ELMO1: variants seen among roughly 807,000 people sequenced by gnomAD.
The protein encoded by ELMO1 is engulfment and cell motility protein 1.
Under a neutral mutation model 98.9 loss-of-function variants are expected in ELMO1, and 26 were observed. That is an observed-to-expected ratio of 0.26 (90% CI 0.19 to 0.36). The LOEUF is 0.36. ELMO1 is among the 10% of genes least tolerant of loss of function. The pLI is 1.00. For synonymous variants in ELMO1, 346 were observed against 346.0 expected, an observed-to-expected ratio of 1.00 and a Z score of 0.00; for missense variants, 627 against 935.2, an observed-to-expected ratio of 0.67 and a Z score of 4.30.
intron 13 of ELMO1, among the ~76,000 whole-genome samples, chr7:37,199,470 A>G (rs1423658363): frequency 6.6e-6 from 1 of 152,180 alleles, no homozygotes; most frequent in African/African-American, 2.4e-5. Flanking sequence ...AAAACAAAAC[A>G]AAGTTTTAAA....
chr7:37,018,073 C>T (rs1295981416), intron 15 of ELMO1, among the ~76,000 whole-genome samples: 2 of 151,878 alleles, frequency 1.3e-5, no homozygotes, highest in East Asian at 3.9e-4. Flanking sequence ...ATAAAGTGTG[C>T]AGTAAAGTGC....
At chr7:37,002,202 T>C (rs144919210) in intron 16 of ELMO1, 19 of 152,308 alleles carry the variant, frequency 1.2e-4, no homozygotes, top group African/African-American at 3.4e-4. Context: ...CTCATGATGA[T>C]GGTAAAAGTG....
intron 15 of ELMO1, among the ~76,000 whole-genome samples, chr7:37,095,104 G>A (rs146720814): frequency 2.0e-5 from 3 of 152,194 alleles, no homozygotes; most frequent in Non-Finnish European, 4.4e-5. Context: ...CATCAGAAAG[G>A]AGGAGACAAC....
Position 37,133,205 on chromosome 7 carries a change from C to A in ELMO1, c.1116G>T (p.Thr372=), listed in dbSNP as rs778962156. Residue 372 remains threonine (T), a synonymous_variant, in exon 14 of 22, where the codon ACG becomes ACT. Transcript: ENST00000310758. ...GAGCCAACATCCCAGGTGGAGTCTG[C>A]GTGAAGTCCATGGCAGGGTTGACAT... ...INHVNPAMDF[T]QTPPGMLALD... The A allele has an allele frequency of 1.2e-6, 2 of 1,611,246 alleles. No individual in the cohort carries two copies. The highest frequency in any genetic ancestry group is 1.7e-5 in the Admixed American group (1 of 59,622).
At chr7:36,906,697 G>A (rs1436866170) in intron 16 of ELMO1, among the ~76,000 whole-genome samples, 1 of 152,016 alleles carries the variant, frequency 6.6e-6, no homozygotes, top group Non-Finnish European at 1.5e-5. Flanking sequence ...AGGCTGGGGT[G>A]GGAGGATCGC....
intron 16 of ELMO1, among the ~76,000 whole-genome samples, chr7:36,981,477 A>C (rs1333890693): frequency 6.6e-6 from 1 of 152,160 alleles, no homozygotes; most frequent in African/African-American, 2.4e-5. Flanking sequence ...TCGCTAAACA[A>C]AATTTGTAGA....
chr7:37,313,751 C>T (rs915674227), intron 4 of ELMO1, among the ~76,000 whole-genome samples: 4 of 152,070 alleles, frequency 2.6e-5, no homozygotes, highest in Non-Finnish European at 5.9e-5. Flanking sequence ...TTACTGCCTC[C>T]ACCTTCTACC....
At chr7:36,885,418 ACCT>A (rs1335439817) in intron 18 of ELMO1, among the ~76,000 whole-genome samples, 10 of 152,106 alleles carry the variant, frequency 6.6e-5, no homozygotes, top group African/African-American at 2.4e-4. Context: ...ACCCACTTCA[ACCT>A]AGTCAGGGAA....
intron 2 of ELMO1, among the ~76,000 whole-genome samples, chr7:37,317,041 G>A (rs749340169): frequency 6.6e-6 from 1 of 152,032 alleles, no homozygotes; most frequent in Non-Finnish European, 1.5e-5. Flanking sequence ...CCCTCAGGCT[G>A]TTATAAAAAT....
chr7:37,282,022 GCCTCC>G, intron 4 of ELMO1, among the ~76,000 whole-genome samples: 1 of 16,540 alleles, frequency 6.0e-5, no homozygotes, highest in Middle Eastern at 0.02. Flanking sequence ...CATCGATTCA[GCCTCC>G]ATGTGGATGG....
intron 21 of ELMO1, among the ~76,000 whole-genome samples, chr7:36,856,630 T>C (rs943203962): frequency 6.6e-6 from 1 of 152,188 alleles, no homozygotes; most frequent in African/African-American, 2.4e-5. Flanking sequence ...GGACCTGCTT[T>C]TCTCTTCTTA....
chr7:36,984,481 G>A (rs189260267), intron 16 of ELMO1, among the ~76,000 whole-genome samples: 44 of 152,286 alleles, frequency 2.9e-4, no homozygotes, highest in Admixed American at 6.5e-4. Flanking sequence ...ACCCTGCCTT[G>A]AGTCTTCTAT....
chr7:37,004,524 A>G lies in ELMO1; in HGVS notation c.1437+8775T>C, dbSNP rs972030561. On this transcript the variant is annotated intron_variant, in intron 16 of 21. Coordinates refer to ENST00000310758, the MANE Select transcript of ELMO1 (RefSeq NM_014800.11). ...ATTATTTTCTCCTCCTAATTGGCAAATCTCAAGTTAGCACGTGCTACACAT... is the reference window on the plus strand; with the variant it reads ...ATTATTTTCTCCTCCTAATTGGCAAGTCTCAAGTTAGCACGTGCTACACAT... 6.6e-5 allele frequency among the ~76,000 whole-genome samples: 10 copies of G among 152,314 alleles called. No individual in the cohort carries two copies. In the South Asian group the frequency reaches 1.5e-3, roughly 22 times the overall value.
chr7:36,861,974 T>G, intron 20 of ELMO1: 1 of 536,260 alleles, frequency 1.9e-6, no homozygotes, highest in Non-Finnish European at 3.4e-6. Context: ...ATGTAGCAAG[T>G]GTTTTCATCT....
intron 19 of ELMO1, among the ~76,000 whole-genome samples, chr7:36,875,119 C>G (rs975582687): frequency 2.0e-5 from 3 of 152,190 alleles, no homozygotes; most frequent in African/African-American, 7.2e-5. Context: ...ATTAAAAGCA[C>G]GTCTCATTTT....
intron 15 of ELMO1, among the ~76,000 whole-genome samples, chr7:37,019,933 A>T (rs921882836): frequency 6.6e-6 from 1 of 152,198 alleles, no homozygotes; most frequent in Non-Finnish European, 1.5e-5. Flanking sequence ...ACATATTTTT[A>T]AAAATAAAAA....
At chr7:37,353,458 T>A (rs1290533119) in intron 1 of ELMO1, 1 of 167,974 alleles carries the variant, frequency 6.0e-6, no homozygotes, top group Non-Finnish European at 1.2e-5. Context: ...AGTTGTTTCT[T>A]CCTCCCGGTG....
At chr7:36,936,415 TG>T (rs1447954454) in intron 16 of ELMO1, among the ~76,000 whole-genome samples, 1 of 152,206 alleles carries the variant, frequency 6.6e-6, no homozygotes, top group Non-Finnish European at 1.5e-5. Flanking sequence ...TACCTTAGTC[TG>T]GCTTCTAGTT....
At chr7:37,294,911 A>T (rs559760197) in intron 4 of ELMO1, among the ~76,000 whole-genome samples, 8 of 152,150 alleles carry the variant, frequency 5.3e-5, no homozygotes, top group African/African-American at 1.9e-4. Flanking sequence ...GAGGCAGGAG[A>T]ATCACTTGAA....
Sources: allele counts gnomAD v4.1 joint callset (sites outside exome capture counted in the v4.1 genomes callset), GRCh38; gene constraint gnomAD v4.1.1; transcripts MANE v1.5; gene names NCBI Gene and HGNC (gene_info 2026-07-23, HGNC 2026-07-21).